Variants in CDH13 observed in about 807,000 individuals in gnomAD.
CDH13 encodes the protein cadherin-13.
Under a neutral mutation model 63.8 loss-of-function variants are expected in CDH13, and 24 were observed. That is an observed-to-expected ratio of 0.38 (90% CI 0.27 to 0.53). The LOEUF (loss-of-function observed/expected upper bound fraction) is 0.53, where lower values mean the gene tolerates loss of function less well. Ranked by LOEUF, CDH13 falls within the 20% of genes least tolerant of loss-of-function variation. CDH13 has a pLI of 0.85. For missense variants in CDH13, 1,049 were observed against 903.1 expected (o/e 1.16, Z -2.07); for synonymous variants, 503 against 355.3 (o/e 1.42, Z -4.67).
intron 7 of CDH13, among the ~76,000 whole-genome samples, chr16:83,488,921 G>A (rs963466514): frequency 2.6e-5 from 4 of 152,208 alleles, no homozygotes; most frequent in South Asian, 2.1e-4. Context: ...CACTGCGCCC[G>A]GCCAATGCTC....
chr16:82,674,591 G>T (rs761435978), intron 1 of CDH13, among the ~76,000 whole-genome samples: 3 of 152,194 alleles, frequency 2.0e-5, no homozygotes, highest in Non-Finnish European at 2.9e-5. Flanking sequence ...GATCAGGTAC[G>T]TGAAACCAGA....
intron 5 of CDH13, among the ~76,000 whole-genome samples, chr16:83,344,276 C>A (rs1340933901): frequency 6.6e-6 from 1 of 152,146 alleles, no homozygotes; most frequent in Non-Finnish European, 1.5e-5. Context: ...GAAAGTAGTT[C>A]CCTATGGAAG....
Position 83,248,098 on chromosome 16 carries a change from A to T in CDH13, c.636+30601A>T, listed in dbSNP as rs139306192. 8.9e-4 allele frequency among the ~76,000 whole-genome samples: 135 copies of T among 152,264 alleles called. 1 individual carries two copies. Among genetic ancestry groups the T allele is most frequent in the African/African-American group, 2.9e-3 (119 of 41,544 alleles). ...GTCCCTCCTGATCAGCGGGGTGCTA[A>T]TGAGATCAGAGACAGGGGATGTGAA... On this transcript the variant is annotated intron_variant, in intron 5 of 13. Coordinates refer to ENST00000567109, the MANE Select transcript of CDH13 (RefSeq NM_001257.5).
chr16:82,794,808 C>T (rs539885290), intron 1 of CDH13, among the ~76,000 whole-genome samples: 31 of 152,254 alleles, frequency 2.0e-4, no homozygotes, highest in African/African-American at 6.5e-4. Context: ...GTTTTTCCTA[C>T]TTTGGTTCCT....
intron 5 of CDH13, among the ~76,000 whole-genome samples, chr16:83,231,746 C>A (rs895301765): frequency 5.3e-5 from 8 of 150,316 alleles, no homozygotes. Flanking sequence ...AGCCTGCCAA[C>A]CCCGGACTAG....
chr16:83,472,111 C>T (rs1362583738), intron 6 of CDH13, among the ~76,000 whole-genome samples: 2 of 152,194 alleles, frequency 1.3e-5, no homozygotes, highest in African/African-American at 4.8e-5. Flanking sequence ...CATGTAGTCA[C>T]TCACTTAATC....
At chr16:82,767,138 T>C (rs1019160647) in intron 1 of CDH13, among the ~76,000 whole-genome samples, 3 of 152,236 alleles carry the variant, frequency 2.0e-5, no homozygotes, top group Non-Finnish European at 4.4e-5. Flanking sequence ...TTTGCTTACA[T>C]ATTGTTTCTC....
At chr16:82,777,678 T>G (rs1376258430) in intron 1 of CDH13, among the ~76,000 whole-genome samples, 2 of 152,220 alleles carry the variant, frequency 1.3e-5, no homozygotes, top group Non-Finnish European at 2.9e-5. Context: ...TAGCTGGGTC[T>G]TTGGGCCATA....
At chr16:83,616,703 G>C (rs1002970307) in intron 8 of CDH13, among the ~76,000 whole-genome samples, 1 of 152,154 alleles carries the variant, frequency 6.6e-6, no homozygotes, top group Non-Finnish European at 1.5e-5. Flanking sequence ...AGAAAGCCAA[G>C]AGCAGCATAA....
At chr16:82,802,556 A>C (rs1402989543) in intron 1 of CDH13, among the ~76,000 whole-genome samples, 3 of 152,158 alleles carry the variant, frequency 2.0e-5, no homozygotes, top group Admixed American at 2.0e-4. Context: ...CTGCAGAAGC[A>C]TGTGCATGAT....
intron 6 of CDH13, among the ~76,000 whole-genome samples, chr16:83,380,562 C>T (rs139486199): frequency 2.0e-5 from 3 of 152,254 alleles, no homozygotes; most frequent in Admixed American, 6.5e-5. Context: ...ACATAAAAGA[C>T]ATTCAGAGGT....
intron 4 of CDH13, among the ~76,000 whole-genome samples, chr16:83,185,895 G>A (rs2038501832): frequency 6.6e-6 from 1 of 152,050 alleles, no homozygotes; most frequent in Non-Finnish European, 1.5e-5. Flanking sequence ...CATACTCCCT[G>A]AGAACCTCTA....
intron 2 of CDH13, among the ~76,000 whole-genome samples, chr16:82,999,702 A>G (rs1450718376): frequency 6.6e-6 from 1 of 152,240 alleles, no homozygotes; most frequent in Non-Finnish European, 1.5e-5. Context: ...ATGTTTAAAA[A>G]CACAGTTTGC....
chr16:82,672,404 A>T (rs1913359777), intron 1 of CDH13, among the ~76,000 whole-genome samples: 1 of 152,092 alleles, frequency 6.6e-6, no homozygotes. Flanking sequence ...CCACCACCTT[A>T]AACTCGGTAC....
chr16:82,965,974 A>T (rs1267527783), intron 2 of CDH13, among the ~76,000 whole-genome samples: 1 of 152,172 alleles, frequency 6.6e-6, no homozygotes, highest in African/African-American at 2.4e-5. Flanking sequence ...TCAGGGCATG[A>T]AAATATCCCT....
chr16:83,305,607 A>G (rs180790343), intron 5 of CDH13, among the ~76,000 whole-genome samples: 143 of 152,320 alleles, frequency 9.4e-4, no homozygotes, highest in African/African-American at 3.4e-3. Context: ...CGTAGCAGCT[A>G]TAACCTTGAT....
chr16:83,380,737 C>A (rs1349113479), intron 6 of CDH13, among the ~76,000 whole-genome samples: 1 of 152,112 alleles, frequency 6.6e-6, no homozygotes, highest in Non-Finnish European at 1.5e-5. Flanking sequence ...AAAATTACCT[C>A]TGCTTACAGC....
chr16:83,658,193 C>G (rs1341163515), intron 8 of CDH13, among the ~76,000 whole-genome samples: 4 of 149,626 alleles, frequency 2.7e-5, no homozygotes, highest in Non-Finnish European at 4.5e-5. Context: ...ATATCCTCAC[C>G]AGCAAGGTCT....
intron 6 of CDH13, among the ~76,000 whole-genome samples, chr16:83,394,607 A>C (rs1035170479): frequency 6.6e-6 from 1 of 152,222 alleles, no homozygotes; most frequent in African/African-American, 2.4e-5. Flanking sequence ...TGAGCCGCCA[A>C]GGTTTTGAGC....
Sources: allele counts gnomAD v4.1 joint callset (sites outside exome capture counted in the v4.1 genomes callset), GRCh38; gene constraint gnomAD v4.1.1; transcripts MANE v1.5; gene names NCBI Gene and HGNC (gene_info 2026-07-23, HGNC 2026-07-21).